NOS1: variants seen among roughly 807,000 people sequenced by gnomAD.
The protein encoded by NOS1 is nitric oxide synthase 1, also known as NOS type I.
A neutral mutation model predicts 164.5 loss-of-function variants in NOS1; 51 were observed. The ratio of observed to expected loss-of-function variants is 0.31; its 90% CI spans 0.25 to 0.39. The LOEUF (loss-of-function observed/expected upper bound fraction) is 0.39, where lower values mean the gene tolerates loss of function less well. NOS1 is among the 10% of genes least tolerant of loss of function. The pLI is 1.00. For synonymous variants in NOS1, 719 were observed against 745.8 expected (o/e 0.96, Z 0.59); for missense variants, 1,362 against 1,885.6 (o/e 0.72, Z 5.14).
intron 2 of NOS1, among the ~76,000 whole-genome samples, chr12:117,318,884 A>C (rs968651912): frequency 6.6e-6 from 1 of 152,150 alleles, no homozygotes; most frequent in African/African-American, 2.4e-5. Context: ...CTGGCCCTGC[A>C]TGCTCCAACA....
chr12:117,208,769 C>G lies in NOS1; in HGVS notation c.*6540G>C. On this transcript the variant is annotated 3_prime_UTR_variant, in exon 29 of 29. Transcript: ENST00000317775. ...CACAGGGTCTCATTCTGTCAACAAG[C>G]TGGAGTGCAGTGGTGCCATCTCGGC... The G allele has an allele frequency of 1.0e-6, 1 of 987,176 alleles. No homozygotes were observed. The allele number at this position is 987,176 out of a possible 1,614,324, so 61.2% of individuals were successfully genotyped here.
intron 7 of NOS1, among the ~76,000 whole-genome samples, chr12:117,283,056 A>ATTT (rs201451951): frequency 1.5e-4 from 14 of 92,954 alleles, no homozygotes; most frequent in African/African-American, 4.3e-4. Context: ...ATATATATAT[A>ATTT]TTTTTTTTTT....
chr12:117,251,697 CT>C (rs1225990869), intron 17 of NOS1, among the ~76,000 whole-genome samples: 3 of 151,004 alleles, frequency 2.0e-5, no homozygotes, highest in Admixed American at 6.6e-5. Context: ...TCCCAAAGTG[CT>C]GGGATGGTAG....
At chr12:117,271,704 C>G (rs1026147425) in intron 10 of NOS1, among the ~76,000 whole-genome samples, 5 of 152,222 alleles carry the variant, frequency 3.3e-5, no homozygotes, top group Non-Finnish European at 5.9e-5. Flanking sequence ...TCTTTTGAAA[C>G]AAATCCAACA....
chr12:117,256,284 G>GTTTTTTTTGTTTTTTTTTTTTTTTT (rs1871443744), intron 16 of NOS1, among the ~76,000 whole-genome samples: 1 of 118,488 alleles, frequency 8.4e-6, no homozygotes, highest in African/African-American at 3.8e-5. Flanking sequence ...GGGATTTTCT[G>GTTTTTTTTGTTTTTTTTTTTTTTTT]TTTTTTTTTT....
intron 2 of NOS1, among the ~76,000 whole-genome samples, chr12:117,323,754 C>T (rs1593022625): frequency 6.6e-6 from 1 of 152,228 alleles, no homozygotes; most frequent in East Asian, 1.9e-4. Context: ...GCCATATTCT[C>T]TTGCCTAGTG....
At position 117,209,275 on chromosome 12, in the gene NOS1, T is replaced by C; in HGVS notation, c.*6034A>G. 1.0e-6 allele frequency: 1 copy of C among 971,098 alleles called. No individual in the cohort carries two copies. The highest frequency in any genetic ancestry group is 1.2e-6 in the Non-Finnish European group (1 of 816,836). 60.2% of individuals were successfully genotyped at this position (971,098 alleles called of 1,614,324 possible). On this transcript the variant is annotated 3_prime_UTR_variant, in exon 29 of 29. Coordinates refer to ENST00000317775, the MANE Select transcript of NOS1 (RefSeq NM_000620.5). ...TGATGACATACTTGATTGTTACCGT[T>C]GGCAGGACACTGCTACAGGTATCTT... is the stretch of plus-strand genomic sequence containing the variant.
At chr12:117,310,080 T>G (rs35736046) in intron 3 of NOS1, among the ~76,000 whole-genome samples, 20,666 of 152,126 alleles carry the variant, frequency 0.14, 1,624 homozygotes, top group East Asian at 0.26. Context: ...CTAATTTTTG[T>G]TATTTTTTTT....
chr12:117,251,320 G>A (rs1592951720), intron 17 of NOS1, among the ~76,000 whole-genome samples: 1 of 152,018 alleles, frequency 6.6e-6, no homozygotes, highest in East Asian at 1.9e-4. Flanking sequence ...ATGGACCAAG[G>A]CTCCCAACTC....
chr12:117,331,762 C>A (rs898304037), intron 1 of NOS1, among the ~76,000 whole-genome samples: 2 of 152,120 alleles, frequency 1.3e-5, no homozygotes, highest in African/African-American at 4.8e-5. Context: ...GGACAGTCAG[C>A]CCCAGAAATC....
rs76496626 is a variant in NOS1, at chr12:117,335,015, C to A, written c.-420-3526G>T. On this transcript the variant is annotated intron_variant, in intron 1 of 28. Transcript: ENST00000317775. ...TTCTCTAAACCTCAGTTCCAAAATGCGGTCATTTGTAATCACCTCGTCTCT... is the reference window on the plus strand; with the variant it reads ...TTCTCTAAACCTCAGTTCCAAAATGAGGTCATTTGTAATCACCTCGTCTCT... 9.0e-3 allele frequency among the ~76,000 whole-genome samples: 1,374 copies of A among 152,190 alleles called. 21 individuals carry two copies. The highest frequency in any genetic ancestry group is 0.031 in the African/African-American group (1,299 of 41,508).
chr12:117,304,825 T>C (rs1874048186), intron 3 of NOS1: 1 of 174,970 alleles, frequency 5.7e-6, no homozygotes, highest in South Asian at 1.9e-4. Context: ...TGATTTTCTT[T>C]GAATCTAGAC....
At chr12:117,285,551 T>C (rs1387593744) in intron 6 of NOS1, among the ~76,000 whole-genome samples, 9 of 145,778 alleles carry the variant, frequency 6.2e-5, no homozygotes, top group African/African-American at 2.3e-4. Context: ...AAAAATCGCC[T>C]AAAAGTAGGC....
rs1164482563 is a variant in NOS1 at position 117,242,632 on chromosome 12, T to C, written c.3036A>G (p.Lys1012=). Residue 1012 remains lysine, a synonymous_variant, in exon 20 of 29, where the codon AAA becomes AAG. Transcript: ENST00000317775. ...LLSRQNLQSP[K]SSRSTIFVRL... is the part of the protein sequence containing the mutation. ...GTGAACCAAGATGTTCCTACCTGGATTTAGGGCTCTGGAGGTTTTGACGGC... is the reference window on the plus strand; with the variant it reads ...GTGAACCAAGATGTTCCTACCTGGACTTAGGGCTCTGGAGGTTTTGACGGC... 2 of 1,613,888 alleles carry C rather than the reference T, an allele frequency of 1.2e-6. No homozygotes were observed. The highest frequency in any genetic ancestry group is 1.7e-6 in the Non-Finnish European group (2 of 1,179,878).
chr12:117,260,076 G>A (rs577498852), intron 14 of NOS1, among the ~76,000 whole-genome samples: 121 of 147,024 alleles, frequency 8.2e-4, no homozygotes, highest in African/African-American at 3.0e-3. Context: ...CCGAGATCGC[G>A]CCACTGCACT....
chr12:117,247,234 G>T, intron 18 of NOS1, 114 bp downstream of exon 18: 2 of 839,106 alleles, frequency 2.4e-6, no homozygotes, highest in Non-Finnish European at 3.6e-6. Context: ...CTGGATACAT[G>T]GGAGAGGTAC....
chr12:117,352,713 G>C (rs2136095279), intron 1 of NOS1, among the ~76,000 whole-genome samples: 1 of 152,218 alleles, frequency 6.6e-6, no homozygotes, highest in South Asian at 2.1e-4. Flanking sequence ...GGAAAAAAGA[G>C]GGAGAGAGAG....
At chr12:117,353,484 C>T (rs1217484434) in intron 1 of NOS1, among the ~76,000 whole-genome samples, 2 of 152,168 alleles carry the variant, frequency 1.3e-5, no homozygotes, top group African/African-American at 4.8e-5. Context: ...ATTATTACAC[C>T]TAAGAAAATT....
chr12:117,243,666 A>G lies in NOS1; in HGVS notation c.2824-231T>C, dbSNP rs538245990. Among the ~76,000 whole-genome samples, 1 of 146,260 alleles carries G rather than the reference A, an allele frequency of 6.8e-6. No homozygotes were observed. The highest frequency in any genetic ancestry group is 2.2e-4 in the South Asian group (1 of 4,574). ...CCCTTTCGTTGTCTTCCTTCCATCC[A>G]TTCACCCATCCACTCATCTACTCTT... is the stretch of plus-strand genomic sequence containing the variant. On this transcript the variant is annotated intron_variant, in intron 18 of 28. Transcript: ENST00000317775. This position sits in a 1 kb window ranked among gnomAD's most constrained non-coding sequence, Gnocchi z 4.3.
Sources: allele counts gnomAD v4.1 joint callset (sites outside exome capture counted in the v4.1 genomes callset), GRCh38; gene constraint gnomAD v4.1.1; non-coding constraint Gnocchi (gnomAD v3.1); transcripts MANE v1.5; gene names NCBI Gene and HGNC (gene_info 2026-07-23, HGNC 2026-07-21).